Variants in PDE3A observed in about 807,000 individuals in gnomAD.
PDE3A encodes the protein phosphodiesterase 3A.
In PDE3A, 43 loss-of-function variants were observed where a neutral mutation model predicts 98.3. That is an observed-to-expected ratio of 0.44 (90% CI 0.34 to 0.56). The LOEUF (loss-of-function observed/expected upper bound fraction) is 0.56, where lower values mean the gene tolerates loss of function less well. PDE3A is among the 20% of genes least tolerant of loss of function. PDE3A has a pLI of 0.01. For synonymous variants in PDE3A, 663 were observed against 567.9 expected (o/e 1.17, Z -2.38); for missense variants, 1,427 against 1,440.7 (o/e 0.99, Z 0.15).
At chr12:20,382,809 A>C (rs1187077588) in intron 1 of PDE3A, among the ~76,000 whole-genome samples, 1 of 152,030 alleles carries the variant, frequency 6.6e-6, no homozygotes, top group Non-Finnish European at 1.5e-5. Flanking sequence ...CTGAACATGA[A>C]TAATACATAT....
At position 20,369,116 on chromosome 12, in the gene PDE3A, G is replaced by C; in HGVS notation, c.-169G>C. 1 of 559,108 alleles carries C rather than the reference G, an allele frequency of 1.8e-6. No individual in the cohort carries two copies. The allele number at this position is 559,108 out of a possible 1,614,324, so 34.6% of individuals were successfully genotyped here. On this transcript the variant is annotated 5_prime_UTR_variant, in exon 1 of 16. Coordinates refer to ENST00000359062, the MANE Select transcript of PDE3A (RefSeq NM_000921.5). ...AGCATTCTCCAGGAGTTATTCGAAAGCTGAAACTTTCAGTGGATTGTGGGC... is the reference window on the plus strand; with the variant it reads ...AGCATTCTCCAGGAGTTATTCGAAACCTGAAACTTTCAGTGGATTGTGGGC...
At chr12:20,587,507 A>G (rs764536283) in intron 2 of PDE3A, among the ~76,000 whole-genome samples, 1 of 152,092 alleles carries the variant, frequency 6.6e-6, no homozygotes, top group African/African-American at 2.4e-5. Context: ...GAATTTTACT[A>G]TTTCTTTGAC....
rs540034883 is a variant in PDE3A at position 20,559,669 on chromosome 12, T to A, written c.1011+2959T>A. 1.0e-4 allele frequency among the ~76,000 whole-genome samples: 14 copies of A among 138,762 alleles called. No individual in the cohort carries two copies. The South Asian group carries it at 3.4e-3, about 34-fold the overall frequency. 91.0% of individuals were successfully genotyped at this position (138,762 alleles called of 152,430 possible). A position where few individuals can be genotyped will look rare whatever the true frequency, so the allele number is the denominator to read the frequency against. On this transcript the variant is annotated intron_variant, in intron 2 of 15. Coordinates refer to ENST00000359062, the MANE Select transcript of PDE3A (RefSeq NM_000921.5). ...CTGGGCAACAGAACGAGACCCCATATCAAAAAAAAAAAGACTGCATATATA... is the reference window on the plus strand; with the variant it reads ...CTGGGCAACAGAACGAGACCCCATAACAAAAAAAAAAAGACTGCATATATA...
At chr12:20,643,490 T>C (rs1944693326) in intron 10 of PDE3A, among the ~76,000 whole-genome samples, 1 of 152,174 alleles carries the variant, frequency 6.6e-6, no homozygotes, top group African/African-American at 2.4e-5. Context: ...TTAATAAACA[T>C]GTCACTGACT....
intron 1 of PDE3A, among the ~76,000 whole-genome samples, chr12:20,514,434 G>A (rs1475532463): frequency 6.6e-6 from 1 of 152,170 alleles, no homozygotes; most frequent in East Asian, 1.9e-4. Context: ...TGTTGTGTTT[G>A]AAGTAAAGCA....
chr12:20,547,307 T>C (rs1206496037), intron 1 of PDE3A, among the ~76,000 whole-genome samples: 1 of 152,166 alleles, frequency 6.6e-6, no homozygotes, highest in African/African-American at 2.4e-5. Flanking sequence ...TGGTATACTA[T>C]GTTTCTGTGT....
chr12:20,508,649 A>T (rs562911493), intron 1 of PDE3A, among the ~76,000 whole-genome samples: 35 of 152,122 alleles, frequency 2.3e-4, no homozygotes, highest in African/African-American at 8.4e-4. Flanking sequence ...AAACAACTTG[A>T]AAGCAGCCTA....
intron 2 of PDE3A, among the ~76,000 whole-genome samples, chr12:20,584,185 G>A (rs191732484): frequency 6.6e-6 from 1 of 152,330 alleles, no homozygotes; most frequent in African/African-American, 2.4e-5. Flanking sequence ...AATTCATTTT[G>A]TGAGGTAACC....
intron 1 of PDE3A, among the ~76,000 whole-genome samples, chr12:20,501,140 G>T (rs1354269910): frequency 1.3e-5 from 2 of 152,138 alleles, no homozygotes; most frequent in Non-Finnish European, 2.9e-5. Flanking sequence ...TACTAATGTG[G>T]ATTCATGGTT....
rs567509187 is a variant in PDE3A, at chr12:20,511,166, A to T, written c.961-45494A>T. 3.0e-4 allele frequency among the ~76,000 whole-genome samples: 45 copies of T among 152,226 alleles called. No individual in the cohort carries two copies. In the South Asian group the frequency reaches 5.0e-3, roughly 17 times the overall value. Reference sequence around the variant, plus strand: ...ATTTAAAAAAAGGCTTCATGTTGATACAAGTGGGTAGATATGAAACCAGGT... The same window carrying T: ...ATTTAAAAAAAGGCTTCATGTTGATTCAAGTGGGTAGATATGAAACCAGGT... On this transcript the variant is annotated intron_variant, in intron 1 of 15. Transcript: ENST00000359062.
intron 1 of PDE3A, among the ~76,000 whole-genome samples, chr12:20,386,144 T>A (rs1310781528): frequency 0.17 from 4,248 of 24,746 alleles, 287 homozygotes; most frequent in African/African-American, 0.21. Flanking sequence ...TATATATAAA[T>A]ATATATATAA....
intron 1 of PDE3A, among the ~76,000 whole-genome samples, chr12:20,538,542 A>G (rs1419930681): frequency 6.6e-6 from 1 of 152,144 alleles, no homozygotes; most frequent in East Asian, 1.9e-4. Flanking sequence ...ACCCATTGCC[A>G]TCTCTATGAG....
intron 1 of PDE3A, among the ~76,000 whole-genome samples, chr12:20,413,036 A>C (rs1264602578): frequency 1.2e-4 from 19 of 152,368 alleles, no homozygotes; most frequent in Admixed American, 7.8e-4. Context: ...TGTGCTAGGA[A>C]TAAAATGATA....
intron 1 of PDE3A, among the ~76,000 whole-genome samples, chr12:20,455,077 C>T (rs1307452450): frequency 6.6e-6 from 1 of 152,074 alleles, no homozygotes; most frequent in Non-Finnish European, 1.5e-5. Flanking sequence ...GAACTCCCAC[C>T]AACAGTGTAT....
At chr12:20,478,969 A>G (rs898579403) in intron 1 of PDE3A, among the ~76,000 whole-genome samples, 6 of 152,168 alleles carry the variant, frequency 3.9e-5, no homozygotes, top group African/African-American at 1.4e-4. Context: ...AAATAATTAC[A>G]CTAATTTTAA....
chr12:20,400,567 C>G (rs1207000155), intron 1 of PDE3A, among the ~76,000 whole-genome samples: 1 of 151,846 alleles, frequency 6.6e-6, no homozygotes, highest in Non-Finnish European at 1.5e-5. Context: ...CCACTGCGCC[C>G]GTGACCGCAC....
intron 15 of PDE3A, among the ~76,000 whole-genome samples, chr12:20,668,906 A>G (rs908394231): frequency 6.6e-6 from 1 of 151,368 alleles, no homozygotes; most frequent in African/African-American, 2.4e-5. Flanking sequence ...ACTCCGAGCT[A>G]CGGGAGGACA....
intron 2 of PDE3A, among the ~76,000 whole-genome samples, chr12:20,581,083 G>C (rs1324076653): frequency 3.3e-5 from 5 of 152,186 alleles, no homozygotes; most frequent in African/African-American, 1.2e-4. Context: ...ATTTGGGTTT[G>C]AGGAAAAAAA....
intron 1 of PDE3A, among the ~76,000 whole-genome samples, chr12:20,463,002 C>T (rs1945279132): frequency 6.6e-6 from 1 of 151,942 alleles, no homozygotes; most frequent in East Asian, 1.9e-4. Context: ...AAACTCCTGG[C>T]CTCAAACAAT....
Sources: allele counts gnomAD v4.1 joint callset (sites outside exome capture counted in the v4.1 genomes callset), GRCh38; gene constraint gnomAD v4.1.1; transcripts MANE v1.5; gene names NCBI Gene and HGNC (gene_info 2026-07-23, HGNC 2026-07-21).